RBFOX1: variants seen among roughly 807,000 people sequenced by gnomAD.
RBFOX1 encodes the protein RNA binding fox-1 homolog 1, also known as RNA binding protein fox-1 homolog 1.
Under a neutral mutation model 57.7 loss-of-function variants are expected in RBFOX1, and 8 were observed. That is an observed-to-expected ratio of 0.14 (90% CI 0.08 to 0.25). The LOEUF (loss-of-function observed/expected upper bound fraction) is 0.25, where lower values mean the gene tolerates loss of function less well. Among genes scored for constraint, RBFOX1 ranks in the 10% least tolerant of loss-of-function variants. The pLI is 1.00. For missense variants in RBFOX1, 611 were observed against 548.5 expected (o/e 1.11, Z -1.14); for synonymous variants, 326 against 222.4 (o/e 1.47, Z -4.15).
chr16:7,015,759 CT>C (rs902810057), intron 3 of RBFOX1, among the ~76,000 whole-genome samples: 23 of 150,198 alleles, frequency 1.5e-4, no homozygotes, highest in East Asian at 9.8e-4. Context: ...ATAACATTTT[CT>C]TTTTTTTTCT....
At chr16:5,472,327 C>A (rs540005516) in intron 2 of RBFOX1, among the ~76,000 whole-genome samples, 2 of 152,124 alleles carry the variant, frequency 1.3e-5, no homozygotes, top group African/African-American at 4.8e-5. Flanking sequence ...CAAATGTGAT[C>A]TCGTGTAATC....
At chr16:5,718,331 G>A (rs952115680) in intron 3 of RBFOX1, among the ~76,000 whole-genome samples, 1 of 152,190 alleles carries the variant, frequency 6.6e-6, no homozygotes, top group Non-Finnish European at 1.5e-5. Context: ...GAGCTGCCCA[G>A]CTGAGCCCAG....
chr16:5,302,039 C>T (rs1027927805), intron 1 of RBFOX1, among the ~76,000 whole-genome samples: 3 of 152,024 alleles, frequency 2.0e-5, no homozygotes, highest in East Asian at 1.9e-4. Flanking sequence ...TTAGATCATT[C>T]ATTTTACAGC....
chr16:6,486,426 TAATA>T (rs2095483456), intron 2 of RBFOX1, among the ~76,000 whole-genome samples: 1 of 152,158 alleles, frequency 6.6e-6, no homozygotes. Context: ...TCTGAACTAA[TAATA>T]AAATGATTAT....
chr16:5,847,019 G>A (rs553342049), intron 3 of RBFOX1, among the ~76,000 whole-genome samples: 2 of 152,280 alleles, frequency 1.3e-5, no homozygotes, highest in African/African-American at 4.8e-5. Context: ...CAAGAGGAGG[G>A]GAGAGAAGAA....
chr16:5,678,015 G>C (rs927906228), intron 3 of RBFOX1, among the ~76,000 whole-genome samples: 3 of 152,214 alleles, frequency 2.0e-5, no homozygotes, highest in African/African-American at 7.2e-5. Flanking sequence ...TATTTCAGCT[G>C]CTCAGCATCT....
At chr16:6,711,712 C>T (rs769042806) in intron 3 of RBFOX1, among the ~76,000 whole-genome samples, 4 of 152,166 alleles carry the variant, frequency 2.6e-5, no homozygotes, top group Non-Finnish European at 4.4e-5. Flanking sequence ...GTCTCTGTAG[C>T]AGTATGAGAA....
intron 3 of RBFOX1, among the ~76,000 whole-genome samples, chr16:5,658,126 C>T (rs189492839): frequency 6.6e-6 from 1 of 152,122 alleles, no homozygotes; most frequent in Non-Finnish European, 1.5e-5. Context: ...AGTTGTTGAG[C>T]AAAGCAATGC....
intron 3 of RBFOX1, among the ~76,000 whole-genome samples, chr16:6,926,230 C>A (rs911318635): frequency 1.3e-5 from 2 of 152,118 alleles, no homozygotes; most frequent in African/African-American, 4.8e-5. Context: ...TCCCTTGAAC[C>A]TGGGAGGGGG....
intron 2 of RBFOX1, among the ~76,000 whole-genome samples, chr16:6,397,735 G>A (rs766366946): frequency 1.3e-5 from 2 of 152,178 alleles, no homozygotes; most frequent in East Asian, 1.9e-4. Context: ...CACAAATGAT[G>A]AGAATGTGAA....
chr16:6,829,827 C>G (rs2092569725), intron 3 of RBFOX1, among the ~76,000 whole-genome samples: 1 of 152,214 alleles, frequency 6.6e-6, no homozygotes, highest in Non-Finnish European at 1.5e-5. Context: ...GTATCGAATT[C>G]TTGACCTTAG....
chr16:6,965,267 G>A (rs551377143), intron 3 of RBFOX1, among the ~76,000 whole-genome samples: 1 of 151,882 alleles, frequency 6.6e-6, no homozygotes, highest in Non-Finnish European at 1.5e-5. Flanking sequence ...GGAGAATTCA[G>A]GACTAGAATG....
intron 1 of RBFOX1, among the ~76,000 whole-genome samples, chr16:5,340,854 A>G (rs2065016544): frequency 6.6e-6 from 1 of 152,206 alleles, no homozygotes; most frequent in South Asian, 2.1e-4. Context: ...CAAGTCCTAC[A>G]GTTCCAGACA....
intron 12 of RBFOX1, among the ~76,000 whole-genome samples, chr16:7,663,825 A>G (rs1355004851): frequency 1.3e-5 from 2 of 152,230 alleles, no homozygotes; most frequent in Non-Finnish European, 2.9e-5. Flanking sequence ...AAGGCTACAT[A>G]TGATTCTCGT....
At chr16:6,164,270 T>C (rs1213665658) in intron 1 of RBFOX1, among the ~76,000 whole-genome samples, 1 of 152,192 alleles carries the variant, frequency 6.6e-6, no homozygotes. Context: ...TGTCAATTGC[T>C]AGATTTTTAA....
At chr16:6,677,574 G>A (rs1299737987) in intron 3 of RBFOX1, among the ~76,000 whole-genome samples, 2 of 152,140 alleles carry the variant, frequency 1.3e-5, no homozygotes, top group African/African-American at 4.8e-5. Flanking sequence ...GCAGAGTAAT[G>A]ACTCAGCAGT....
chr16:7,062,044 G>A (rs751650109), intron 4 of RBFOX1, among the ~76,000 whole-genome samples: 8 of 151,992 alleles, frequency 5.3e-5, no homozygotes, highest in Non-Finnish European at 8.8e-5. Flanking sequence ...GAGGCCGGGT[G>A]TGGTGGCTCA....
chr16:6,807,912 GTGTA>G (rs755161284), intron 3 of RBFOX1, among the ~76,000 whole-genome samples: 1,901 of 134,672 alleles, frequency 0.014, 22 homozygotes, highest in African/African-American at 0.026. Context: ...GTGTGTGTGT[GTGTA>G]TATATATATA....
At chr16:6,064,605 A>G (rs1042037969) in intron 1 of RBFOX1, among the ~76,000 whole-genome samples, 1 of 151,912 alleles carries the variant, frequency 6.6e-6, no homozygotes, top group Admixed American at 6.6e-5. Context: ...CAGTGGTGCG[A>G]TCTCGGCTCA....
Sources: allele counts gnomAD v4.1 joint callset (sites outside exome capture counted in the v4.1 genomes callset), GRCh38; gene constraint gnomAD v4.1.1; transcripts MANE v1.5; gene names NCBI Gene and HGNC (gene_info 2026-07-23, HGNC 2026-07-21).